Variants in SEMA3D observed in about 807,000 individuals in gnomAD.
SEMA3D encodes the protein semaphorin 3D.
In SEMA3D, 84 loss-of-function variants were observed where a neutral mutation model predicts 100.1. That is an observed-to-expected ratio of 0.84 (90% confidence interval 0.70 to 1.01). The LOEUF is 1.01. Ranked by LOEUF, SEMA3D falls within the 50% of genes least tolerant of loss-of-function variation. The pLI is 0.00. For synonymous variants in SEMA3D, 312 were observed against 320.7 expected, an observed-to-expected ratio of 0.97 and a Z score of 0.29; for missense variants, 875 against 934.1, an observed-to-expected ratio of 0.94 and a Z score of 0.82.
At chr7:85,101,059 T>A (rs1237409345) in intron 3 of SEMA3D, among the ~76,000 whole-genome samples, 1 of 151,950 alleles carries the variant, frequency 6.6e-6, no homozygotes, top group Non-Finnish European at 1.5e-5. Context: ...AGGGATAATA[T>A]CCAACAAATA....
chr7:85,005,209 A>G (rs1789760871), intron 18 of SEMA3D, among the ~76,000 whole-genome samples: 1 of 152,058 alleles, frequency 6.6e-6, no homozygotes, highest in South Asian at 2.1e-4. Context: ...AGATTAAAAC[A>G]TTGCAATGTA....
At chr7:85,149,750 G>A (rs1317686304) in intron 2 of SEMA3D, among the ~76,000 whole-genome samples, 2 of 152,104 alleles carry the variant, frequency 1.3e-5, no homozygotes, top group Non-Finnish European at 2.9e-5. Context: ...CAGGGGCTAC[G>A]ATTAACATTA....
chr7:85,010,841 A>G (rs1256012611), intron 17 of SEMA3D, among the ~76,000 whole-genome samples: 2 of 148,944 alleles, frequency 1.3e-5, no homozygotes, highest in East Asian at 4.1e-4. Context: ...GGAGTGAAAT[A>G]GCCTCTGATA....
intron 8 of SEMA3D, among the ~76,000 whole-genome samples, chr7:85,057,899 C>T (rs925853269): frequency 6.6e-6 from 1 of 152,106 alleles, no homozygotes; most frequent in Non-Finnish European, 1.5e-5. Context: ...CCAGGGCACT[C>T]CAGCCTAGGC....
intron 12 of SEMA3D, among the ~76,000 whole-genome samples, chr7:85,025,150 G>C (rs1169404436): frequency 6.6e-6 from 1 of 151,942 alleles, no homozygotes; most frequent in Non-Finnish European, 1.5e-5. Flanking sequence ...ATACCATACG[G>C]GGACATTTAT....
chr7:85,237,892 A>ATGAGAGTTTC, the SEMA3D span, among the ~76,000 whole-genome samples: 53 of 152,340 alleles, frequency 3.5e-4, no homozygotes, highest in African/African-American at 1.2e-3. Context: ...TCCCCAATGA[A>ATGAGAGTTTC]TGAGAGTTTC....
At chr7:85,003,656 A>G (rs1023850872) in intron 18 of SEMA3D, among the ~76,000 whole-genome samples, 2 of 152,146 alleles carry the variant, frequency 1.3e-5, no homozygotes, top group African/African-American at 4.8e-5. Flanking sequence ...TATAAATGAC[A>G]TTACAATTAT....
At chr7:85,222,109 T>C in the SEMA3D span, among the ~76,000 whole-genome samples, 2 of 152,240 alleles carry the variant, frequency 1.3e-5, no homozygotes, top group Admixed American at 6.5e-5. Context: ...ATATATGCCC[T>C]AAAAATTAGC....
intron 9 of SEMA3D, among the ~76,000 whole-genome samples, chr7:85,044,993 C>T (rs1384146910): frequency 6.6e-6 from 1 of 151,886 alleles, no homozygotes. Context: ...AAGAATAAAA[C>T]ATAAAATTGA....
intron 12 of SEMA3D, among the ~76,000 whole-genome samples, chr7:85,035,109 ATG>A (rs145609519): frequency 3.3e-5 from 5 of 150,800 alleles, no homozygotes; most frequent in East Asian, 3.9e-4. Flanking sequence ...GATAAAGAAA[ATG>A]TGTGTGTGTG....
Position 85,116,370 on chromosome 7 carries a change from A to G in SEMA3D, c.151+5371T>C, listed in dbSNP as rs1238745105. ...TATTTATATATTATAATATATTTAT[A>G]TATATTTATATAAATATATACATAA... On this transcript the variant is annotated intron_variant, in intron 3 of 18. Coordinates refer to ENST00000284136, the MANE Select transcript of SEMA3D (RefSeq NM_001384900.1). Among the ~76,000 whole-genome samples the G allele has an allele frequency of 3.4e-5, 5 of 146,512 alleles. No homozygotes were observed. In the East Asian group the frequency reaches 7.8e-4, roughly 23 times the overall value.
chr7:85,165,021 G>A (rs1284781502), intron 1 of SEMA3D, among the ~76,000 whole-genome samples: 3 of 142,384 alleles, frequency 2.1e-5, no homozygotes, highest in African/African-American at 7.9e-5. Flanking sequence ...ACAGTCCCCA[G>A]TGTGTGATGT....
At chr7:85,110,454 T>C (rs999146132) in intron 3 of SEMA3D, among the ~76,000 whole-genome samples, 1 of 151,922 alleles carries the variant, frequency 6.6e-6, no homozygotes. Flanking sequence ...CATATTAATC[T>C]CCTAAACATA....
rs1332076844 is a variant in SEMA3D at position 85,157,692 on chromosome 7, A to T, written c.-172-3953T>A. ...GAACAAAGCAAAACAAAACAAGCCAACAAAGGCTCTGCTGGGCAGAGGTGT... is the reference window on the plus strand; with the variant it reads ...GAACAAAGCAAAACAAAACAAGCCATCAAAGGCTCTGCTGGGCAGAGGTGT... On this transcript the variant is annotated intron_variant, in intron 1 of 18. Coordinates refer to ENST00000284136, the MANE Select transcript of SEMA3D (RefSeq NM_001384900.1). The T allele has an allele frequency of 4.1e-6, 4 of 974,464 alleles. No individual in the cohort carries two copies. The East Asian group carries it at 4.6e-4, about 111-fold the overall frequency. The allele number at this position is 974,464 out of a possible 1,614,324, so 60.4% of individuals were successfully genotyped here.
Position 85,022,632 on chromosome 7 carries a change from G to T in SEMA3D, c.1192-19C>A, listed in dbSNP as rs760983123. The T allele has an allele frequency of 1.9e-5, 29 of 1,522,014 alleles. 1 individual carries two copies. The highest frequency in any genetic ancestry group is 2.6e-5 in the Non-Finnish European group (29 of 1,097,214). 94.3% of individuals were successfully genotyped at this position (1,522,014 alleles called of 1,614,324 possible). ...TTGGACACTGAAAATAAATGTGGAG[G>T]AAAGTAAAGACATTGTTTATGCACC... On this transcript the variant is annotated intron_variant, in intron 12 of 18. Coordinates refer to ENST00000284136, the MANE Select transcript of SEMA3D (RefSeq NM_001384900.1).
intron 1 of SEMA3D, chr7:85,157,701 CTGCTGGGCAGAGGT>C: frequency 5.2e-6 from 5 of 952,936 alleles, no homozygotes; most frequent in Non-Finnish European, 6.2e-6. Context: ...AACAAAGGCT[CTGCTGGGCAGAGGT>C]GTAGCTCTTC....
At chr7:85,207,341 A>G in the SEMA3D span, among the ~76,000 whole-genome samples, 1 of 152,070 alleles carries the variant, frequency 6.6e-6, no homozygotes, top group Non-Finnish European at 1.5e-5. Flanking sequence ...ATTTTCATAC[A>G]TTGACAAGGA....
chr7:85,013,969 C>A (rs1034054232), intron 16 of SEMA3D, among the ~76,000 whole-genome samples: 1 of 151,668 alleles, frequency 6.6e-6, no homozygotes, highest in Non-Finnish European at 1.5e-5. Context: ...AAGTTCTTGG[C>A]CAAAAACCAT....
intron 9 of SEMA3D, among the ~76,000 whole-genome samples, chr7:85,052,062 AG>A (rs1436584649): frequency 6.6e-6 from 1 of 151,998 alleles, no homozygotes; most frequent in Non-Finnish European, 1.5e-5. Context: ...AAACAATAAA[AG>A]AGCAGTAATA....
Sources: gnomAD v4.1 joint callset for allele counts (sites outside exome capture counted in the v4.1 genomes callset) on GRCh38, gnomAD v4.1.1 for gene constraint, MANE v1.5 for transcripts, NCBI Gene and HGNC (gene_info 2026-07-23, HGNC 2026-07-21) for gene names.